Variants in PCDHA1 observed in about 807,000 individuals in gnomAD.
The protein encoded by PCDHA1 is protocadherin alpha-1.
PCDHA1 carries 42 observed loss-of-function variants against 61.3 expected under a neutral mutation model. The observed-to-expected ratio is 0.69, with a 90% CI of 0.54 to 0.89. The LOEUF is 0.89. Ranked by LOEUF, PCDHA1 falls within the 40% of genes least tolerant of loss-of-function variation. The pLI, the probability that PCDHA1 is intolerant of heterozygous loss-of-function variation, is 0.00. For synonymous variants in PCDHA1, 610 were observed against 553.8 expected, an observed-to-expected ratio of 1.10 and a Z score of -1.43; for missense variants, 1,256 against 1,235.3, an observed-to-expected ratio of 1.02 and a Z score of -0.25.
chr5:140,803,121 G>A, intron 1 of PCDHA1: 1 of 1,613,764 alleles, frequency 6.2e-7, no homozygotes, highest in Non-Finnish European at 8.5e-7. Flanking sequence ...CGAGGTGGAC[G>A]CCCCGCGCCA....
intron 1 of PCDHA1, chr5:140,801,975 C>A: frequency 1.2e-6 from 2 of 1,614,164 alleles, no homozygotes; most frequent in Non-Finnish European, 1.7e-6. Context: ...AAATGGTACC[C>A]TAGTGGTGAC....
At chr5:140,808,168 G>A (rs781897208) in intron 1 of PCDHA1, 5 of 1,614,100 alleles carry the variant, frequency 3.1e-6, no homozygotes, top group African/African-American at 1.3e-5. Context: ...ATAAGGGACA[G>A]CTCCCACTTT....
chr5:140,928,616 G>A, intron 1 of PCDHA1: 2 of 1,614,226 alleles, frequency 1.2e-6, no homozygotes, highest in Non-Finnish European at 8.5e-7. Flanking sequence ...CGCTCTGCCA[G>A]GACTGGACAC....
At chr5:140,864,740 C>G (rs2048582672) in intron 1 of PCDHA1, 1 of 152,028 alleles carries the variant, frequency 6.6e-6, no homozygotes, top group African/African-American at 2.4e-5. Context: ...TCTTTGAGCA[C>G]CGATTATACT....
chr5:140,860,428 T>C (rs1198179293), intron 1 of PCDHA1: 11 of 152,026 alleles, frequency 7.2e-5, no homozygotes, highest in Admixed American at 6.5e-4. Flanking sequence ...ATCCTGCAAA[T>C]ATGATCTTTT....
At chr5:140,846,974 T>G (rs1257358967) in intron 1 of PCDHA1, among the ~76,000 whole-genome samples, 1 of 149,546 alleles carries the variant, frequency 6.7e-6, no homozygotes, top group Non-Finnish European at 1.5e-5. Context: ...GGTTTTAAAA[T>G]AAGTAAGTTC....
At chr5:140,827,639 AT>A (rs1358782495) in intron 1 of PCDHA1, among the ~76,000 whole-genome samples, 1 of 152,236 alleles carries the variant, frequency 6.6e-6, no homozygotes, top group Non-Finnish European at 1.5e-5. Context: ...AATAGTTTAC[AT>A]TTCTGATTTA....
chr5:140,953,648 A>C (rs2094921161), intron 1 of PCDHA1, among the ~76,000 whole-genome samples: 1 of 152,150 alleles, frequency 6.6e-6, no homozygotes, highest in Non-Finnish European at 1.5e-5. Flanking sequence ...CAGGAGCTAT[A>C]GTTGTTATCT....
intron 3 of PCDHA1, among the ~76,000 whole-genome samples, chr5:140,993,781 A>T (rs1587593339): frequency 6.6e-6 from 1 of 152,216 alleles, no homozygotes; most frequent in African/African-American, 2.4e-5. Flanking sequence ...TATTTTGTAC[A>T]GTAACATGCT....
chr5:140,967,700 G>A lies in PCDHA1; in HGVS notation c.2395-11249G>A. ...GGAGAGGCAGCTCTTCAGCATAGAT[G>A]CCAGTACCGGGGAAGTGCGAGTAAT... On this transcript the variant is annotated intron_variant, in intron 1 of 3. Transcript: ENST00000504120. 4 of 1,614,196 alleles carry A rather than the reference G, an allele frequency of 2.5e-6. No homozygotes were observed. In the South Asian group the frequency reaches 4.4e-5, roughly 18 times the overall value.
intron 1 of PCDHA1, chr5:140,808,053 T>G (rs1764088499): frequency 1.2e-6 from 2 of 1,614,034 alleles, no homozygotes; most frequent in Non-Finnish European, 1.7e-6. Flanking sequence ...TCGCCAAATG[T>G]GAAATCCAAG....
chr5:140,894,571 T>A (rs782019282), intron 1 of PCDHA1, among the ~76,000 whole-genome samples: 5 of 151,906 alleles, frequency 3.3e-5, no homozygotes, highest in Non-Finnish European at 5.9e-5. Context: ...TTATTTTCCT[T>A]TTTTTTAATA....
intron 3 of PCDHA1, among the ~76,000 whole-genome samples, chr5:140,997,287 A>G (rs1011963664): frequency 2.0e-5 from 3 of 152,280 alleles, no homozygotes; most frequent in Admixed American, 1.3e-4. Context: ...TCACTTAACA[A>G]TGGGGATACA....
intron 1 of PCDHA1, chr5:140,853,424 G>A (rs112620213): frequency 1.0e-6 from 1 of 985,928 alleles, no homozygotes; most frequent in African/African-American, 1.8e-5. Context: ...AAGCAGAAGA[G>A]ACACTTTCCT....
intron 1 of PCDHA1, chr5:140,863,200 GC>G: frequency 1.1e-6 from 1 of 918,418 alleles, no homozygotes. Context: ...GGCGTCGCTG[GC>G]GGAGAGCAGC....
At chr5:140,883,575 GGGCCAC>G (rs1239547262) in intron 1 of PCDHA1, 1 of 1,613,954 alleles carries the variant, frequency 6.2e-7, no homozygotes, top group African/African-American at 1.3e-5. Flanking sequence ...CCTTCGCTGT[GGGCCAC>G]GGCCAGCGTG....
intron 1 of PCDHA1, chr5:140,850,085 G>A: frequency 1.3e-6 from 2 of 1,596,624 alleles, no homozygotes; most frequent in Non-Finnish European, 1.7e-6. Flanking sequence ...AGCTGGAGCT[G>A]CTACAGTTCC....
chr5:140,796,358 A>G (rs977122092), intron 1 of PCDHA1: 1 of 1,612,492 alleles, frequency 6.2e-7, no homozygotes, highest in Non-Finnish European at 8.5e-7. Flanking sequence ...GTATTCGTGA[A>G]GGAGAACAAC....
intron 3 of PCDHA1, among the ~76,000 whole-genome samples, chr5:140,995,639 A>G (rs1410943855): frequency 6.6e-6 from 1 of 152,190 alleles, no homozygotes; most frequent in Non-Finnish European, 1.5e-5. Context: ...TGGAGTGTTT[A>G]GAAAAGGAGA....
Sources: allele counts gnomAD v4.1 joint callset (sites outside exome capture counted in the v4.1 genomes callset), GRCh38; gene constraint gnomAD v4.1.1; transcripts MANE v1.5; gene names NCBI Gene and HGNC (gene_info 2026-07-23, HGNC 2026-07-21).